CEP63: variants seen among roughly 807,000 people sequenced by gnomAD.
CEP63 encodes centrosomal protein 63, also known as centrosomal protein of 63 kDa.
CEP63 carries 84 observed loss-of-function variants against 89.1 expected under a neutral mutation model. That is an observed-to-expected ratio of 0.94 (90% CI 0.79 to 1.13). CEP63 has a LOEUF of 1.13. CEP63 is among the 50% of genes most tolerant of loss of function. The pLI is 0.00. For synonymous variants in CEP63, 267 were observed against 272.5 expected, an observed-to-expected ratio of 0.98 and a Z score of 0.20; for missense variants, 838 against 813.3, an observed-to-expected ratio of 1.03 and a Z score of -0.37.
At chr3:134,715,564 G>C in the CEP63 span, among the ~76,000 whole-genome samples, 2 of 150,436 alleles carry the variant, frequency 1.3e-5, no homozygotes. Flanking sequence ...AGACTGGGTT[G>C]GGAGGCAGAT....
the CEP63 span, among the ~76,000 whole-genome samples, chr3:134,750,673 G>A: frequency 6.6e-6 from 1 of 152,102 alleles, no homozygotes. Flanking sequence ...GGAACAAAGG[G>A]GCTTCCTACA....
At chr3:134,529,998 C>T (rs533355267) in intron 3 of CEP63, among the ~76,000 whole-genome samples, 8 of 151,758 alleles carry the variant, frequency 5.3e-5, no homozygotes, top group East Asian at 3.9e-4. Context: ...CTTGGCCTCC[C>T]GAGTAGCTGG....
At chr3:134,760,431 A>T in the CEP63 span, among the ~76,000 whole-genome samples, 1 of 152,182 alleles carries the variant, frequency 6.6e-6, no homozygotes, top group Non-Finnish European at 1.5e-5. Context: ...CATTCTTCAG[A>T]TAAAGAAGAT....
Position 134,545,804 on chromosome 3 carries a change from TGAAAAACTATTA to T in CEP63, c.777_788del (p.Lys260_Glu263del), listed in dbSNP as rs1347938391. 1 of 1,611,052 alleles carries T rather than the reference TGAAAAACTATTA, an allele frequency of 6.2e-7. No individual in the cohort carries two copies. The highest frequency in any genetic ancestry group is 1.3e-5 in the African/African-American group (1 of 74,826). ...AAAAAGAAGAAAAATTGAGGGAATC[TGAAAAACTATTA>T]GAGGTATGTTTTAAAATCACTATAA... On this transcript the variant is annotated inframe_deletion, in exon 7 of 15. Transcript: ENST00000675561.
intron 11 of CEP63, among the ~76,000 whole-genome samples, chr3:134,573,427 A>G (rs4955477): frequency 0.98 from 149,764 of 152,292 alleles, 73,691 homozygotes; most frequent in East Asian, 1. Flanking sequence ...TAATTTTTGT[A>G]TACAATGAAA....
At chr3:134,610,224 C>T in the CEP63 span, 2 of 1,613,696 alleles carry the variant, frequency 1.2e-6, no homozygotes, top group African/African-American at 1.3e-5. Context: ...TGATGGTGTC[C>T]ACCAGGCCGC....
chr3:134,626,988 C>T, the CEP63 span, among the ~76,000 whole-genome samples: 1 of 152,206 alleles, frequency 6.6e-6, no homozygotes, highest in African/African-American at 2.4e-5. Flanking sequence ...AACAGATTTC[C>T]ACTCAGTATA....
the CEP63 span, among the ~76,000 whole-genome samples, chr3:134,713,826 A>G: frequency 6.6e-6 from 1 of 152,166 alleles, no homozygotes; most frequent in Non-Finnish European, 1.5e-5. Context: ...ACTTGTAATA[A>G]CTTCCTCATT....
At chr3:134,544,637 G>C (rs929856606) in intron 6 of CEP63, among the ~76,000 whole-genome samples, 5 of 18,052 alleles carry the variant, frequency 2.8e-4, no homozygotes, top group Non-Finnish European at 4.1e-4. Flanking sequence ...TGCTCTAGGT[G>C]GGGGGGGGAA....
At chr3:134,669,923 C>T in the CEP63 span, among the ~76,000 whole-genome samples, 1 of 152,098 alleles carries the variant, frequency 6.6e-6, no homozygotes, top group East Asian at 1.9e-4. Context: ...GAGATGGAGC[C>T]TTTGGGAAGT....
At chr3:134,635,979 A>G in the CEP63 span, among the ~76,000 whole-genome samples, 1 of 152,224 alleles carries the variant, frequency 6.6e-6, no homozygotes, top group African/African-American at 2.4e-5. Flanking sequence ...AAATGGCTAC[A>G]TAGTATTCTA....
At chr3:134,590,374 A>G (rs139178873), downstream of CEP63, among the ~76,000 whole-genome samples, 89 of 152,352 alleles carry the variant, frequency 5.8e-4, no homozygotes, top group African/African-American at 2.1e-3. Context: ...ATGCATGACA[A>G]TAGTTCTATT....
At chr3:134,729,258 A>T in the CEP63 span, among the ~76,000 whole-genome samples, 1 of 152,202 alleles carries the variant, frequency 6.6e-6, no homozygotes, top group African/African-American at 2.4e-5. Context: ...ACCAGGGGTA[A>T]TCCCTTTTAT....
intron 2 of CEP63, among the ~76,000 whole-genome samples, chr3:134,501,803 A>G (rs1160204420): frequency 1.3e-5 from 2 of 152,196 alleles, no homozygotes; most frequent in Non-Finnish European, 2.9e-5. Context: ...TTCTTTTCCT[A>G]TTTGAATACC....
the CEP63 span, among the ~76,000 whole-genome samples, chr3:134,723,387 C>G: frequency 6.6e-6 from 1 of 152,212 alleles, no homozygotes; most frequent in African/African-American, 2.4e-5. Context: ...GAACATACTT[C>G]TAGTCCTCTG....
chr3:134,726,751 C>T, the CEP63 span, among the ~76,000 whole-genome samples: 1 of 152,088 alleles, frequency 6.6e-6, no homozygotes. Context: ...GACATAATTT[C>T]CCCTGATCCA....
chr3:134,617,371 T>C, the CEP63 span, among the ~76,000 whole-genome samples: 1 of 152,200 alleles, frequency 6.6e-6, no homozygotes, highest in Non-Finnish European at 1.5e-5. Flanking sequence ...ATCCTGTCAT[T>C]TCTATATATG....
downstream of CEP63, among the ~76,000 whole-genome samples, chr3:134,590,222 T>C (rs1348965341): frequency 6.6e-6 from 1 of 152,046 alleles, no homozygotes; most frequent in African/African-American, 2.4e-5. Context: ...CCTGTACATA[T>C]ACCCCTTAAC....
At chr3:134,592,469 GGTGTGTGTGTGTGT>G (rs34973626), downstream of CEP63, among the ~76,000 whole-genome samples, 342 of 125,194 alleles carry the variant, frequency 2.7e-3, 3 homozygotes, top group Middle Eastern at 4.1e-3. Context: ...TCTGCAAACT[GGTGTGTGTGTGTGT>G]GTGTGTGTGT....
Sources: gnomAD v4.1 joint callset for allele counts (sites outside exome capture counted in the v4.1 genomes callset) on GRCh38, gnomAD v4.1.1 for gene constraint, MANE v1.5 for transcripts, NCBI Gene and HGNC (gene_info 2026-07-23, HGNC 2026-07-21) for gene names.